LRMDA: variants seen among roughly 807,000 people sequenced by gnomAD.
LRMDA encodes the protein leucine rich melanocyte differentiation associated.
Under a neutral mutation model 29.8 loss-of-function variants are expected in LRMDA, and 18 were observed. The observed-to-expected ratio is 0.60, with a 90% confidence interval of 0.42 to 0.90. The LOEUF is 0.90. LRMDA is among the 40% of genes least tolerant of loss of function. The pLI is 0.00. For missense variants in LRMDA, 273 were observed against 273.9 expected (o/e 1.00, Z 0.02); for synonymous variants, 125 against 109.4 (o/e 1.14, Z -0.89).
chr10:75,781,375 C>T (rs1202097836), intron 2 of LRMDA, among the ~76,000 whole-genome samples: 1 of 152,012 alleles, frequency 6.6e-6, no homozygotes, highest in Non-Finnish European at 1.5e-5. Flanking sequence ...TAGTAGTTCT[C>T]AGGAATGGAG....
At chr10:75,488,227 T>C (rs1282800716) in intron 2 of LRMDA, among the ~76,000 whole-genome samples, 1 of 152,238 alleles carries the variant, frequency 6.6e-6, no homozygotes, top group Non-Finnish European at 1.5e-5. Flanking sequence ...AAAAGGCTTT[T>C]AGGACTTCAT....
At chr10:75,952,462 A>G (rs1228928878) in intron 2 of LRMDA, among the ~76,000 whole-genome samples, 1 of 152,180 alleles carries the variant, frequency 6.6e-6, no homozygotes, top group African/African-American at 2.4e-5. Flanking sequence ...AAATTCTGAA[A>G]TGGGTTTCTT....
intron 5 of LRMDA, among the ~76,000 whole-genome samples, chr10:76,196,623 C>A (rs547763623): frequency 2.8e-4 from 42 of 152,332 alleles, no homozygotes; most frequent in African/African-American, 1.0e-3. Context: ...CCAGATCCCC[C>A]CTCCATCCCA....
chr10:76,201,154 T>G (rs1851421565), intron 5 of LRMDA, among the ~76,000 whole-genome samples: 1 of 151,736 alleles, frequency 6.6e-6, no homozygotes, highest in African/African-American at 2.4e-5. Flanking sequence ...TGGAGTGCAA[T>G]AGTGTGATCT....
intron 2 of LRMDA, among the ~76,000 whole-genome samples, chr10:75,789,483 A>G (rs749489724): frequency 6.6e-6 from 1 of 152,320 alleles, no homozygotes; most frequent in East Asian, 1.9e-4. Context: ...AAACTGGAAA[A>G]TTATTCATTT....
At chr10:76,503,141 T>A (rs2579756) in intron 6 of LRMDA, among the ~76,000 whole-genome samples, 100,986 of 151,800 alleles carry the variant, frequency 0.67, 35,694 homozygotes, top group Non-Finnish European at 0.81. Context: ...TTTCTGCATC[T>A]ATTGAGATGA....
At chr10:76,013,224 G>T (rs970455050) in intron 2 of LRMDA, among the ~76,000 whole-genome samples, 14 of 152,080 alleles carry the variant, frequency 9.2e-5, no homozygotes, top group Non-Finnish European at 1.8e-4. Flanking sequence ...TGCCCAGGTG[G>T]CGCTGTCCTT....
intron 2 of LRMDA, among the ~76,000 whole-genome samples, chr10:75,921,126 A>C (rs2132388843): frequency 6.6e-6 from 1 of 152,334 alleles, no homozygotes; most frequent in Non-Finnish European, 1.5e-5. Flanking sequence ...TTTGGCAATA[A>C]GAAAAAATGC....
chr10:75,762,168 T>C (rs1162296935), intron 2 of LRMDA, among the ~76,000 whole-genome samples: 1 of 152,216 alleles, frequency 6.6e-6, no homozygotes, highest in East Asian at 1.9e-4. Flanking sequence ...GAGGCAGTTG[T>C]GCAGGGCACA....
intron 5 of LRMDA, among the ~76,000 whole-genome samples, chr10:76,132,966 CTTT>C (rs35997711): frequency 0.014 from 814 of 57,352 alleles, 32 homozygotes; most frequent in African/African-American, 0.054. Flanking sequence ...CCACGCCCGG[CTTT>C]TTTTTTTTTT....
At chr10:76,014,866 C>T (rs1847856205) in intron 2 of LRMDA, among the ~76,000 whole-genome samples, 1 of 152,120 alleles carries the variant, frequency 6.6e-6, no homozygotes, top group African/African-American at 2.4e-5. Context: ...CCTAGAGTGG[C>T]CAACTATTAG....
Position 76,496,807 on chromosome 10 carries a change from C to G in LRMDA, c.602-60402C>G, listed in dbSNP as rs1219359552. ...GAGTGTTTGTCATGCCAAAGAGAATCTGCATGTGTGACTAATAAGTCAGCA... is the reference window on the plus strand; with the variant it reads ...GAGTGTTTGTCATGCCAAAGAGAATGTGCATGTGTGACTAATAAGTCAGCA... On this transcript the variant is annotated intron_variant, in intron 6 of 6. Coordinates refer to ENST00000611255, the MANE Select transcript of LRMDA (RefSeq NM_001305581.2). Among the ~76,000 whole-genome samples the G allele has an allele frequency of 8.0e-5, 6 of 74,836 alleles. 2 individuals carry two copies. The highest frequency in any genetic ancestry group is 2.0e-4 in the African/African-American group (6 of 30,592). 49.1% of individuals were successfully genotyped at this position (74,836 alleles called of 152,430 possible). A position where few individuals can be genotyped will look rare whatever the true frequency, so the allele number is the denominator to read the frequency against.
chr10:75,974,633 T>C lies in LRMDA; in HGVS notation c.132-61375T>C, dbSNP rs1394228445. On this transcript the variant is annotated intron_variant, in intron 2 of 6. Transcript: ENST00000611255. The stretch of plus-strand genomic sequence containing the variant: ...AGCAGCTCAATGAGGTAAGTATTGC[T>C]TTTTCCTCATTTTGCCAATGAGGAA... 4.6e-5 allele frequency among the ~76,000 whole-genome samples: 7 copies of C among 152,172 alleles called. 1 individual carries two copies. In the South Asian group the frequency reaches 1.5e-3, roughly 32 times the overall value.
intron 5 of LRMDA, among the ~76,000 whole-genome samples, chr10:76,149,423 C>A (rs1373269292): frequency 6.6e-6 from 1 of 152,160 alleles, no homozygotes; most frequent in Non-Finnish European, 1.5e-5. Context: ...TCAGTGTTTC[C>A]ATTTCCTCAT....
intron 5 of LRMDA, among the ~76,000 whole-genome samples, chr10:76,134,211 C>T (rs1341051367): frequency 1.3e-5 from 2 of 152,136 alleles, no homozygotes; most frequent in Non-Finnish European, 2.9e-5. Context: ...GAGAGAATTT[C>T]GGGGGGAGCT....
intron 6 of LRMDA, among the ~76,000 whole-genome samples, chr10:76,443,329 A>G (rs1265256060): frequency 2.6e-5 from 4 of 152,194 alleles, no homozygotes; most frequent in African/African-American, 9.7e-5. Context: ...CCATCCTTCC[A>G]TTGACTGATC....
intron 2 of LRMDA, among the ~76,000 whole-genome samples, chr10:75,668,765 T>C (rs140443713): frequency 9.8e-4 from 150 of 152,338 alleles, no homozygotes; most frequent in African/African-American, 3.2e-3. Context: ...ACCTCAACTT[T>C]CTTAGAGCGT....
Position 76,393,896 on chromosome 10 carries a change from A to G in LRMDA, c.601+69411A>G, listed in dbSNP as rs139534374. ...CTGTTGTGGATATTCAGTTTTCCCA[A>G]CATTGTTTATTGAGGAGACCGTCCT... On this transcript the variant is annotated intron_variant, in intron 6 of 6. Coordinates refer to ENST00000611255, the MANE Select transcript of LRMDA (RefSeq NM_001305581.2). Among the ~76,000 whole-genome samples, 15 of 152,230 alleles carry G rather than the reference A, an allele frequency of 9.9e-5. No individual in the cohort carries two copies. In the East Asian group the frequency reaches 2.7e-3, roughly 27 times the overall value.
intron 5 of LRMDA, among the ~76,000 whole-genome samples, chr10:76,220,619 G>T (rs1488335948): frequency 6.6e-6 from 1 of 152,148 alleles, no homozygotes; most frequent in Non-Finnish European, 1.5e-5. Flanking sequence ...TGAAATTGTG[G>T]CAATAATCAA....
Sources: gnomAD v4.1 joint callset for allele counts (sites outside exome capture counted in the v4.1 genomes callset) on GRCh38, gnomAD v4.1.1 for gene constraint, MANE v1.5 for transcripts, NCBI Gene and HGNC (gene_info 2026-07-23, HGNC 2026-07-21) for gene names.